Variants in TBC1D14 observed in about 807,000 individuals in gnomAD.
TBC1D14 encodes TBC1 domain family, member 14.
A neutral mutation model predicts 79.0 loss-of-function variants in TBC1D14; 26 were observed. That is an observed-to-expected ratio of 0.33 (90% CI 0.24 to 0.46). TBC1D14 has a LOEUF of 0.46. Among genes scored for constraint, TBC1D14 ranks in the 20% least tolerant of loss-of-function variants. The pLI is 1.00. For synonymous variants in TBC1D14, 394 were observed against 349.9 expected, an observed-to-expected ratio of 1.13 and a Z score of -1.40; for missense variants, 769 against 887.6, an observed-to-expected ratio of 0.87 and a Z score of 1.70.
At chr4:6,936,046 A>G (rs1207356268) in intron 2 of TBC1D14, among the ~76,000 whole-genome samples, 1 of 152,216 alleles carries the variant, frequency 6.6e-6, no homozygotes, top group Non-Finnish European at 1.5e-5. Flanking sequence ...AAAGGATAGA[A>G]TTCCATGTAT....
chr4:7,022,108 C>G (rs765392818), intron 12 of TBC1D14, among the ~76,000 whole-genome samples: 15 of 152,274 alleles, frequency 9.9e-5, no homozygotes, highest in African/African-American at 1.9e-4. Flanking sequence ...TGAGCAGTCC[C>G]TGCTGGAGGA....
rs1577468185 is a variant in TBC1D14 at position 6,926,022 on chromosome 4, C to T, written c.722+1911C>T. 3.3e-5 allele frequency among the ~76,000 whole-genome samples: 5 copies of T among 152,324 alleles called. No homozygotes were observed. In the South Asian group the frequency reaches 1.0e-3, roughly 32 times the overall value. ...GGCTTTGGAATTCAACCGACCTGTG[C>T]CATGTCCAGCTCTGTGCCCTTGAAC... On this transcript the variant is annotated intron_variant, in intron 2 of 13. Transcript: ENST00000409757.
At position 6,923,744 on chromosome 4, in the gene TBC1D14, G is replaced by C; in HGVS notation, c.355G>C (p.Glu119Gln). 1.2e-6 allele frequency: 2 copies of C among 1,614,000 alleles called. No homozygotes were observed. Among genetic ancestry groups the C allele is most frequent in the South Asian group, 1.1e-5 (1 of 91,080 alleles). The change falls in exon 2 of 14, where the codon GAG becomes CAG. Residue 119 changes from glutamate to glutamine, a missense_variant. Coordinates refer to ENST00000409757, the MANE Select transcript of TBC1D14 (RefSeq NM_020773.3). ...TGCGCCACCAGCTCCTAGCAGCACC[G>C]AGCGGGAACAGAGCGTGCGCAAATC... The part of the protein sequence containing the change: ...SCAPPAPSST[E>Q]REQSVRKSST...
At position 6,954,519 on chromosome 4, in the gene TBC1D14, G is replaced by C. The variant is rs548833443; in HGVS notation, c.723-12785G>C. On this transcript the variant is annotated intron_variant, in intron 2 of 13. Transcript: ENST00000409757. The stretch of plus-strand genomic sequence containing the variant: ...TCCTTTCTATCTAGGCAGCATCTCT[G>C]AGTGCCCGAGCTCCCTGGGCTGGTG... Among the ~76,000 whole-genome samples, 8 of 152,348 alleles carry C rather than the reference G, an allele frequency of 5.3e-5. No homozygotes were observed. The East Asian group carries it at 1.5e-3, about 29-fold the overall frequency.
At position 7,022,168 on chromosome 4, in the gene TBC1D14, T is replaced by A. The variant is rs530006148; in HGVS notation, c.1758-2836T>A. On this transcript the variant is annotated intron_variant, in intron 12 of 13. Transcript: ENST00000409757. The stretch of plus-strand genomic sequence containing the variant: ...GTTCAAGACTGTGGGGCGGGGTCTC[T>A]GCCCTTGAGGCACTTCCAGCCTGGA... 4.2e-4 allele frequency among the ~76,000 whole-genome samples: 64 copies of A among 152,382 alleles called. 1 individual carries two copies. The South Asian group carries it at 0.013, about 30-fold the overall frequency.
chr4:6,922,533 G>A (rs1216831493), intron 1 of TBC1D14, among the ~76,000 whole-genome samples: 3 of 152,126 alleles, frequency 2.0e-5, no homozygotes, highest in Non-Finnish European at 4.4e-5. Flanking sequence ...ACCCAGCCTC[G>A]TAGATGTGAG....
chr4:7,009,852 G>A, intron 9 of TBC1D14, 25 bp from the exon 10 acceptor site: 2 of 1,613,820 alleles, frequency 1.2e-6, no homozygotes, highest in Non-Finnish European at 1.7e-6. Context: ...TGCATGTGTT[G>A]TTTTTGCTGT....
At chr4:7,001,046 C>A in intron 6 of TBC1D14, 99 bp from the exon 7 acceptor site, 1 of 914,560 alleles carries the variant, frequency 1.1e-6, no homozygotes, top group South Asian at 1.5e-5. Flanking sequence ...CCTGATGCAA[C>A]GGTGCATCCC....
chr4:6,960,369 G>C (rs79774079), intron 2 of TBC1D14, among the ~76,000 whole-genome samples: 1 of 151,726 alleles, frequency 6.6e-6, no homozygotes, highest in African/African-American at 2.4e-5. Context: ...TGGGATAACA[G>C]ATGTGAGCAA....
intron 1 of TBC1D14, 61 bp from the exon 2 acceptor site, chr4:6,923,312 A>G: frequency 1.3e-6 from 2 of 1,515,472 alleles, no homozygotes; most frequent in Non-Finnish European, 1.8e-6. Flanking sequence ...GCTGTGTGTC[A>G]GAGGTGTGGC....
rs955528585 is a variant in TBC1D14, at chr4:7,025,334, G to A, written c.2016+72G>A. On this transcript the variant is annotated intron_variant, in intron 13 of 13. Coordinates refer to ENST00000409757, the MANE Select transcript of TBC1D14 (RefSeq NM_020773.3). ...TGGCGCGACTCAGGAAGGCCCCTAC[G>A]TAAAGTGCTGTCTGAGGACGTAGCC... 93 of 1,585,592 alleles carry A rather than the reference G, an allele frequency of 5.9e-5. 1 individual carries two copies. The Middle Eastern group carries it at 1.7e-3, about 29-fold the overall frequency.
intron 11 of TBC1D14, among the ~76,000 whole-genome samples, chr4:7,013,216 G>A (rs1169668267): frequency 1.3e-5 from 2 of 152,212 alleles, no homozygotes; most frequent in African/African-American, 4.8e-5. Context: ...TGTCCTGTGC[G>A]CTGGAGGATG....
intron 3 of TBC1D14, chr4:6,987,206 G>GCCGCC (rs1341419673): frequency 1.4e-4 from 173 of 1,233,582 alleles, no homozygotes; most frequent in Middle Eastern, 9.5e-4. Context: ...TGAGCGGCCT[G>GCCGCC]CCGCCCCGCC....
intron 2 of TBC1D14, among the ~76,000 whole-genome samples, chr4:6,939,739 AGGGGTG>A (rs1045015167): frequency 9.8e-5 from 1 of 10,240 alleles, no homozygotes; most frequent in African/African-American, 3.6e-4. Context: ...TCCTGAGGAG[AGGGGTG>A]GGGGTGGGGT....
chr4:7,018,243 A>G (rs944260422), intron 12 of TBC1D14, among the ~76,000 whole-genome samples: 3 of 152,186 alleles, frequency 2.0e-5, no homozygotes, highest in Admixed American at 6.5e-5. Flanking sequence ...GCTAAGTTCC[A>G]GGGCTCAGCA....
At chr4:6,996,231 C>T in intron 4 of TBC1D14, 94 bp from the exon 5 acceptor site, 1 of 993,552 alleles carries the variant, frequency 1.0e-6, no homozygotes, top group South Asian at 1.4e-5. Context: ...AGTGTTTGAG[C>T]TTTATATTTT....
chr4:6,948,644 G>A (rs1449486135), intron 2 of TBC1D14, among the ~76,000 whole-genome samples: 1 of 151,900 alleles, frequency 6.6e-6, no homozygotes, highest in African/African-American at 2.4e-5. Context: ...TGATCCTTCC[G>A]AAAGGTGATA....
In TBC1D14 at chr4:7,030,494, CT is replaced by C; in HGVS notation, c.*105del. The C allele has an allele frequency of 8.1e-7, 1 of 1,228,250 alleles. No homozygotes were observed. The highest frequency in any genetic ancestry group is 1.2e-6 in the Non-Finnish European group (1 of 853,436). The allele number at this position is 1,228,250 out of a possible 1,614,324, so 76.1% of individuals were successfully genotyped here. A position where few individuals can be genotyped will look rare whatever the true frequency, so the allele number is the denominator to read the frequency against. The stretch of plus-strand genomic sequence containing the variant: ...CGGGCAGCCGAGAAGAACAGACGCT[CT>C]TTAAGTTTGATTCCTAACACTGGAG... On this transcript the variant is annotated 3_prime_UTR_variant, in exon 14 of 14. Transcript: ENST00000409757.
chr4:6,914,971 G>A (rs756760371), intron 1 of TBC1D14, among the ~76,000 whole-genome samples: 2 of 152,272 alleles, frequency 1.3e-5, no homozygotes, highest in East Asian at 1.9e-4. Context: ...CCCGGGAGGC[G>A]GAGGTTGTGG....
Sources: allele counts gnomAD v4.1 joint callset (sites outside exome capture counted in the v4.1 genomes callset), GRCh38; gene constraint gnomAD v4.1.1; transcripts MANE v1.5; gene names NCBI Gene and HGNC (gene_info 2026-07-23, HGNC 2026-07-21).